PHACTR3: variants seen among roughly 807,000 people sequenced by gnomAD.
The protein encoded by PHACTR3 is phosphatase and actin regulator 3.
PHACTR3 carries 16 observed loss-of-function variants against 66.8 expected under a neutral mutation model. That is an observed-to-expected ratio of 0.24 (90% CI 0.16 to 0.36). The LOEUF is 0.36. Ranked by LOEUF, PHACTR3 falls within the 10% of genes least tolerant of loss-of-function variation. PHACTR3 has a pLI of 1.00. For missense variants in PHACTR3, 647 were observed against 719.9 expected (o/e 0.90, Z 1.16); for synonymous variants, 323 against 292.1 (o/e 1.11, Z -1.08).
At chr20:59,636,399 T>G (rs1187281096) in intron 1 of PHACTR3, among the ~76,000 whole-genome samples, 1 of 152,230 alleles carries the variant, frequency 6.6e-6, no homozygotes, top group Non-Finnish European at 1.5e-5. Flanking sequence ...TATCCCCATT[T>G]TACAGGTGAA....
At chr20:59,767,424 A>G in intron 5 of PHACTR3, 29 bp downstream of exon 5, 1 of 1,600,154 alleles carries the variant, frequency 6.2e-7, no homozygotes, top group South Asian at 1.1e-5. Context: ...TGCCCATTCT[A>G]TTTCCTTTCT....
intron 1 of PHACTR3, among the ~76,000 whole-genome samples, chr20:59,623,475 C>T (rs1322948268): frequency 1.3e-5 from 2 of 152,232 alleles, no homozygotes; most frequent in Non-Finnish European, 2.9e-5. Context: ...GCTGTGCACC[C>T]GTCTCTCGTC....
At chr20:59,681,269 C>A (rs2036634871) in intron 1 of PHACTR3, among the ~76,000 whole-genome samples, 1 of 152,166 alleles carries the variant, frequency 6.6e-6, no homozygotes, top group Non-Finnish European at 1.5e-5. Context: ...CACACGTACA[C>A]ACATGTGCAC....
chr20:59,832,705 G>A (rs1055677374), intron 8 of PHACTR3, among the ~76,000 whole-genome samples: 15 of 152,136 alleles, frequency 9.9e-5, no homozygotes, highest in Non-Finnish European at 2.1e-4. Flanking sequence ...GCGATGCCAG[G>A]CTGTGTGGGT....
chr20:59,759,144 T>C (rs1021565792), intron 4 of PHACTR3, among the ~76,000 whole-genome samples: 4 of 152,160 alleles, frequency 2.6e-5, no homozygotes, highest in Non-Finnish European at 5.9e-5. Flanking sequence ...TTTTGGGATG[T>C]GGGGCCACCT....
chr20:59,845,593 TAGA>T (rs1008074621), intron 12 of PHACTR3, among the ~76,000 whole-genome samples: 6 of 152,328 alleles, frequency 3.9e-5, no homozygotes, highest in African/African-American at 1.4e-4. Flanking sequence ...CTCCAATTTA[TAGA>T]ACTCACCTGT....
chr20:59,830,088 C>T lies in PHACTR3; in HGVS notation c.1329-6417C>T, dbSNP rs961211446. ...TTCAGAAACTGGTACAAACTTGGCACTGAGACGGCGTCTGATGGGAGAAGA... is the reference window on the plus strand; with the variant it reads ...TTCAGAAACTGGTACAAACTTGGCATTGAGACGGCGTCTGATGGGAGAAGA... On this transcript the variant is annotated intron_variant, in intron 8 of 12. Coordinates refer to ENST00000371015, the MANE Select transcript of PHACTR3 (RefSeq NM_080672.5). The surrounding 1 kb of genome is among the most constrained non-coding windows in gnomAD (Gnocchi z 5.8). Among the ~76,000 whole-genome samples, 1 of 152,146 alleles carries T rather than the reference C, an allele frequency of 6.6e-6. No individual in the cohort carries two copies.
chr20:59,693,982 T>G (rs11696428), intron 1 of PHACTR3, among the ~76,000 whole-genome samples: 17,792 of 152,212 alleles, frequency 0.12, 1,102 homozygotes, highest in Non-Finnish European at 0.14. Flanking sequence ...CATCTTCTCT[T>G]GATGGGAAGA....
rs995579029 is a variant in PHACTR3 at position 59,583,053 on chromosome 20, G to A, written c.109+5436G>A. 4.6e-5 allele frequency among the ~76,000 whole-genome samples: 7 copies of A among 152,160 alleles called. No individual in the cohort carries two copies. The East Asian group carries it at 1.3e-3, about 29-fold the overall frequency. ...TTTAGCTCTGAAAGTCCTGCATCCT[G>A]AGAAGTCCTCAGCCGGGGGCATACC... On this transcript the variant is annotated intron_variant, in intron 1 of 12. Transcript: ENST00000359926.
At chr20:59,608,077 C>G (rs7348506) in intron 1 of PHACTR3, among the ~76,000 whole-genome samples, 3 of 152,168 alleles carry the variant, frequency 2.0e-5, no homozygotes, top group African/African-American at 7.2e-5. Context: ...TGAGAGTGCC[C>G]TTTCTCCAAA....
At chr20:59,629,638 C>T (rs2034592347) in intron 1 of PHACTR3, among the ~76,000 whole-genome samples, 1 of 152,214 alleles carries the variant, frequency 6.6e-6, no homozygotes, top group African/African-American at 2.4e-5. Context: ...CATGCCTGTC[C>T]CCAGAAGATC....
rs34349820 is a variant in PHACTR3, at chr20:59,819,180, G to T, written c.1328+12986G>T. ...AGAACTTTGGGAAGCCGAGGCAGGA[G>T]AATCGCTTGAGTCCAGGATCACTTG... On this transcript the variant is annotated intron_variant, in intron 8 of 12. Coordinates refer to ENST00000371015, the MANE Select transcript of PHACTR3 (RefSeq NM_080672.5). Among the ~76,000 whole-genome samples the T allele has an allele frequency of 1.4e-3, 210 of 152,284 alleles. 1 individual carries two copies. Among genetic ancestry groups the T allele is most frequent in the South Asian group, 3.5e-3 (17 of 4,826 alleles).
chr20:59,589,438 G>A (rs1476859453), intron 1 of PHACTR3, among the ~76,000 whole-genome samples: 1 of 152,188 alleles, frequency 6.6e-6, no homozygotes, highest in Non-Finnish European at 1.5e-5. Context: ...TGATTCTTGG[G>A]ATCATCATTG....
At chr20:59,612,179 T>C (rs1258027874) in intron 1 of PHACTR3, among the ~76,000 whole-genome samples, 3 of 152,154 alleles carry the variant, frequency 2.0e-5, no homozygotes, top group African/African-American at 7.2e-5. Flanking sequence ...CCTTTTCTTA[T>C]TGAATTTGAG....
intron 1 of PHACTR3, among the ~76,000 whole-genome samples, chr20:59,674,708 C>T (rs989090217): frequency 1.4e-4 from 5 of 36,844 alleles, no homozygotes; most frequent in African/African-American, 3.4e-4. Flanking sequence ...TTCTCCTGTC[C>T]CCCCTTCTCC....
At chr20:59,719,118 G>A (rs1334021851) in intron 1 of PHACTR3, among the ~76,000 whole-genome samples, 2 of 152,154 alleles carry the variant, frequency 1.3e-5, no homozygotes, top group Non-Finnish European at 2.9e-5. Context: ...CGGGGCTGTC[G>A]GGCTGCTAAA....
chr20:59,582,033 G>C (rs6128632), intron 1 of PHACTR3, among the ~76,000 whole-genome samples: 1 of 152,114 alleles, frequency 6.6e-6, no homozygotes, highest in Non-Finnish European at 1.5e-5. Flanking sequence ...AATTACACTA[G>C]TATGTCATGA....
chr20:59,600,277 T>A (rs1442685737), upstream of PHACTR3, among the ~76,000 whole-genome samples: 1 of 152,228 alleles, frequency 6.6e-6, no homozygotes, highest in Non-Finnish European at 1.5e-5. Flanking sequence ...CTCATTGAAA[T>A]TAATTGATCC....
intron 1 of PHACTR3, among the ~76,000 whole-genome samples, chr20:59,650,085 G>A (rs943666063): frequency 2.0e-5 from 3 of 152,022 alleles, no homozygotes; most frequent in Non-Finnish European, 2.9e-5. Context: ...GGCATTTTTG[G>A]TCATATTTTC....
Sources: allele counts gnomAD v4.1 joint callset (sites outside exome capture counted in the v4.1 genomes callset), GRCh38; gene constraint gnomAD v4.1.1; non-coding constraint Gnocchi (gnomAD v3.1); transcripts MANE v1.5; gene names NCBI Gene and HGNC (gene_info 2026-07-23, HGNC 2026-07-21).